The following ZNF423 variants were observed in gnomAD, a reference collection of about 807,000 sequenced individuals.
The protein encoded by ZNF423 is Ebf-associated zinc finger protein.
ZNF423 carries 12 observed loss-of-function variants against 95.8 expected under a neutral mutation model. The observed-to-expected ratio is 0.13, with a 90% CI of 0.08 to 0.20. The LOEUF (loss-of-function observed/expected upper bound fraction) is 0.20, where lower values mean the gene tolerates loss of function less well. Ranked by LOEUF, ZNF423 falls within the 10% of genes least tolerant of loss-of-function variation. The pLI is 1.00. For synonymous variants in ZNF423, 749 were observed against 711.9 expected (o/e 1.05, Z -0.83); for missense variants, 1,316 against 1,737.1 (o/e 0.76, Z 4.31).
At chr16:49,554,327 C>T (rs950273463) in intron 5 of ZNF423, among the ~76,000 whole-genome samples, 2 of 152,148 alleles carry the variant, frequency 1.3e-5, no homozygotes, top group Non-Finnish European at 2.9e-5. Flanking sequence ...TCTACCTCTA[C>T]CCATTTGCCA....
chr16:49,692,934 G>T (rs1490968437), intron 3 of ZNF423, among the ~76,000 whole-genome samples: 3 of 152,254 alleles, frequency 2.0e-5, no homozygotes, highest in Non-Finnish European at 4.4e-5. Flanking sequence ...CAGGCACATA[G>T]TAGGTGCTTA....
At chr16:49,624,484 C>T (rs1483011473) in intron 5 of ZNF423, among the ~76,000 whole-genome samples, 1 of 151,930 alleles carries the variant, frequency 6.6e-6, no homozygotes, top group Non-Finnish European at 1.5e-5. Flanking sequence ...ACCTGCGAGG[C>T]GGAGGTTGCA....
upstream of ZNF423, among the ~76,000 whole-genome samples, chr16:49,857,306 T>TGGTGGC (rs1555491037): frequency 6.9e-6 from 1 of 144,354 alleles, no homozygotes; most frequent in Admixed American, 6.8e-5. This position sits in a 1 kb window ranked among gnomAD's most constrained non-coding sequence, Gnocchi z 6.2. Flanking sequence ...CGGACCGTGG[T>TGGTGGC]GGCGGCGGCG....
At chr16:49,518,953 A>G (rs1055620344) in intron 7 of ZNF423, among the ~76,000 whole-genome samples, 2 of 152,176 alleles carry the variant, frequency 1.3e-5, no homozygotes, top group Admixed American at 1.3e-4. Flanking sequence ...AGTCCCAGCC[A>G]CTCAGGAAGC....
intron 3 of ZNF423, among the ~76,000 whole-genome samples, chr16:49,646,658 C>A (rs187564843): frequency 5.3e-5 from 8 of 150,840 alleles, no homozygotes; most frequent in Admixed American, 4.0e-4. Context: ...GCCACCTCTG[C>A]CTCCTGGGTT....
At chr16:49,673,448 C>T (rs2030906843) in intron 3 of ZNF423, among the ~76,000 whole-genome samples, 1 of 152,208 alleles carries the variant, frequency 6.6e-6, no homozygotes, top group African/African-American at 2.4e-5. Context: ...CCAGCGCTAA[C>T]CGAGGCTGGC....
chr16:49,562,984 C>T (rs1236725478), intron 5 of ZNF423, among the ~76,000 whole-genome samples: 1 of 152,154 alleles, frequency 6.6e-6, no homozygotes. Flanking sequence ...TGGGGTTTCA[C>T]CATGTGGCCA....
chr16:49,821,064 C>T (rs1431141360), intron 1 of ZNF423, among the ~76,000 whole-genome samples: 2 of 152,154 alleles, frequency 1.3e-5, no homozygotes, highest in African/African-American at 2.4e-5. Context: ...TTGGAGGTAA[C>T]CTATTTCCAG....
At chr16:49,832,945 C>A (rs1309409884) in intron 1 of ZNF423, among the ~76,000 whole-genome samples, 2 of 152,246 alleles carry the variant, frequency 1.3e-5, no homozygotes, top group Non-Finnish European at 2.9e-5. Context: ...ATGTTGATTT[C>A]TTTCTTTCAA....
intron 4 of ZNF423, among the ~76,000 whole-genome samples, chr16:49,634,929 T>C (rs992580348): frequency 2.6e-5 from 4 of 152,210 alleles, no homozygotes; most frequent in African/African-American, 7.2e-5. Context: ...TCAGGGTCCA[T>C]TTCTGGTTCT....
chr16:49,549,879 C>CT (rs879664490), intron 5 of ZNF423, among the ~76,000 whole-genome samples: 38 of 146,542 alleles, frequency 2.6e-4, no homozygotes, highest in South Asian at 4.3e-4. Context: ...TTTTTTCCTT[C>CT]TTTTTTTTTT....
In ZNF423 at chr16:49,490,071, C is replaced by G. The variant is rs1254385072; in HGVS notation, c.*1204G>C. 3.9e-5 allele frequency: 6 copies of G among 152,342 alleles called. No homozygotes were observed. The highest frequency in any genetic ancestry group is 9.6e-5 in the African/African-American group (4 of 41,464). 9.4% of individuals were successfully genotyped at this position (152,342 alleles called of 1,614,324 possible). On this transcript the variant is annotated 3_prime_UTR_variant, in exon 8 of 8. Coordinates refer to ENST00000563137, the MANE Select transcript of ZNF423 (RefSeq NM_001379286.1). ...TCCAGACCTGGCCCCCGCCACCAGT[C>G]TCAATGCTCTCACATCCTACTGATC...
rs558638147 is a variant in ZNF423, at chr16:49,678,293, G to A, written c.302-39419C>T. On this transcript the variant is annotated intron_variant, in intron 3 of 7. Coordinates refer to ENST00000563137, the MANE Select transcript of ZNF423 (RefSeq NM_001379286.1). ...TTTAAGTTGTTTAGACAACTGTGAGGTTTTTGTTTTGTTTTGTTTTGTTTT... is the reference window on the plus strand; with the variant it reads ...TTTAAGTTGTTTAGACAACTGTGAGATTTTTGTTTTGTTTTGTTTTGTTTT... Among the ~76,000 whole-genome samples, 240 of 100,994 alleles carry A rather than the reference G, an allele frequency of 2.4e-3. 1 individual carries two copies. Among genetic ancestry groups the A allele is most frequent in the East Asian group, 3.3e-3 (12 of 3,620 alleles). The allele number at this position is 100,994 out of a possible 152,430, so 66.3% of individuals were successfully genotyped here. A position where few individuals can be genotyped will look rare whatever the true frequency, so the allele number is the denominator to read the frequency against.
intron 2 of ZNF423, among the ~76,000 whole-genome samples, chr16:49,735,870 A>G (rs1486471747): frequency 6.6e-6 from 1 of 152,218 alleles, no homozygotes; most frequent in Non-Finnish European, 1.5e-5. Flanking sequence ...AGAAACACCC[A>G]GTGAGACTGC....
intron 2 of ZNF423, among the ~76,000 whole-genome samples, chr16:49,743,327 T>C (rs2033454212): frequency 1.3e-5 from 2 of 152,144 alleles, no homozygotes; most frequent in African/African-American, 2.4e-5. Flanking sequence ...TGGGCACCTC[T>C]CCTTCTCCAC....
At chr16:49,584,274 A>G (rs1038744505) in intron 5 of ZNF423, among the ~76,000 whole-genome samples, 9 of 152,200 alleles carry the variant, frequency 5.9e-5, no homozygotes, top group African/African-American at 1.9e-4. Flanking sequence ...TGGATATACG[A>G]AAGAACGTCT....
At chr16:49,607,909 G>T (rs990530756) in intron 5 of ZNF423, among the ~76,000 whole-genome samples, 2 of 152,174 alleles carry the variant, frequency 1.3e-5, no homozygotes, top group Non-Finnish European at 2.9e-5. Flanking sequence ...CTCCTTTGAA[G>T]GACAAGACCA....
intron 3 of ZNF423, among the ~76,000 whole-genome samples, chr16:49,663,255 G>A (rs566722433): frequency 1.8e-4 from 28 of 152,240 alleles, no homozygotes; most frequent in Middle Eastern, 3.4e-3. Context: ...CTTCTGAAAC[G>A]CTGTGTAATT....
At chr16:49,836,280 G>T (rs2035119241) in intron 1 of ZNF423, among the ~76,000 whole-genome samples, 2 of 152,088 alleles carry the variant, frequency 1.3e-5, no homozygotes, top group African/African-American at 2.4e-5. Flanking sequence ...AATGTCCCAG[G>T]ACTTGGCCTG....
Sources: allele counts gnomAD v4.1 joint callset (sites outside exome capture counted in the v4.1 genomes callset), GRCh38; gene constraint gnomAD v4.1.1; non-coding constraint Gnocchi (gnomAD v3.1); transcripts MANE v1.5; gene names NCBI Gene and HGNC (gene_info 2026-07-23, HGNC 2026-07-21).